Variants in ELL observed in about 807,000 individuals in gnomAD.
ELL encodes RNA polymerase II elongation factor ELL.
In ELL, 18 loss-of-function variants were observed where a neutral mutation model predicts 64.0. The observed-to-expected ratio is 0.28, with a 90% CI of 0.19 to 0.42. ELL has a LOEUF of 0.42. Ranked by LOEUF, ELL falls within the 10% of genes least tolerant of loss-of-function variation. The probability of loss-of-function intolerance (pLI) is 1.00; values close to 1 mark genes in which losing one functional copy is unlikely to be tolerated. For synonymous variants in ELL, 399 were observed against 376.2 expected (o/e 1.06, Z -0.70); for missense variants, 797 against 870.4 (o/e 0.92, Z 1.06).
intron 1 of ELL, among the ~76,000 whole-genome samples, chr19:18,475,642 T>C (rs990416296): frequency 6.6e-6 from 1 of 152,150 alleles, no homozygotes; most frequent in Admixed American, 6.6e-5. Flanking sequence ...CAGAGGACCA[T>C]GCCAAGTGAA....
intron 1 of ELL, among the ~76,000 whole-genome samples, chr19:18,508,676 C>T (rs1295010167): frequency 1.3e-5 from 2 of 152,234 alleles, no homozygotes; most frequent in African/African-American, 2.4e-5. Context: ...GGCCAGCAAG[C>T]TTCTTTTATG....
chr19:18,482,999 T>G (rs1975337774), intron 1 of ELL, among the ~76,000 whole-genome samples: 1 of 152,008 alleles, frequency 6.6e-6, no homozygotes, highest in South Asian at 2.1e-4. Context: ...CAGGCTGGTC[T>G]CAAACTCCTG....
At chr19:18,471,623 G>A (rs1975066663) in intron 2 of ELL, among the ~76,000 whole-genome samples, 1 of 152,216 alleles carries the variant, frequency 6.6e-6, no homozygotes, top group Non-Finnish European at 1.5e-5. Flanking sequence ...AGCCAAGATT[G>A]CACCACTGCA....
intron 1 of ELL, among the ~76,000 whole-genome samples, chr19:18,511,480 GC>G (rs1162840363): frequency 6.6e-6 from 1 of 152,158 alleles, no homozygotes; most frequent in African/African-American, 2.4e-5. Flanking sequence ...ATACTTACAT[GC>G]CCTGTTCACA....
At position 18,461,291 on chromosome 19, in the gene ELL, C is replaced by T. The variant is rs149234234; in HGVS notation, c.744+287G>A. Among the ~76,000 whole-genome samples, 32 of 152,380 alleles carry T rather than the reference C, an allele frequency of 2.1e-4. 2 individuals are homozygous for T. Among genetic ancestry groups the T allele is most frequent in the Admixed American group, 1.4e-3 (21 of 15,310 alleles). ...CCTGAATCCACTGTGCCAGGCCCCA[C>T]GGCCCGTGTGTCAGCAGACAGTGAA... On this transcript the variant is annotated intron_variant, in intron 5 of 11. Coordinates refer to ENST00000262809, the MANE Select transcript of ELL (RefSeq NM_006532.4).
chr19:18,455,869 T>G (rs914845620), intron 6 of ELL, among the ~76,000 whole-genome samples: 3 of 151,898 alleles, frequency 2.0e-5, no homozygotes, highest in Admixed American at 2.0e-4. Flanking sequence ...GAGGCTGAGG[T>G]GGGCGGATCA....
Position 18,465,400 on chromosome 19 carries a change from C to CG in ELL, c.469+11_469+12insC. 1 of 1,586,294 alleles carries CG rather than the reference C, an allele frequency of 6.3e-7. No homozygotes were observed. The highest frequency in any genetic ancestry group is 8.6e-7 in the Non-Finnish European group (1 of 1,162,424). ...CCGGCTGCCCTACAGCCCTGCCAAACCCACTGCTCACCCAGGTAGCGGCCT... is the reference window on the plus strand; with the variant it reads ...CCGGCTGCCCTACAGCCCTGCCAAACGCCACTGCTCACCCAGGTAGCGGCCT... On this transcript the variant is annotated intron_variant, in intron 4 of 11. Transcript: ENST00000262809.
chr19:18,503,570 T>C (rs1031084647), intron 1 of ELL, among the ~76,000 whole-genome samples: 4 of 152,024 alleles, frequency 2.6e-5, no homozygotes, highest in African/African-American at 9.7e-5. Context: ...GTTCACCAAG[T>C]GAGCTGATGT....
chr19:18,484,030 T>A (rs543140965), intron 1 of ELL, among the ~76,000 whole-genome samples: 2 of 152,298 alleles, frequency 1.3e-5, no homozygotes, highest in South Asian at 4.1e-4. Flanking sequence ...AAAGACGCTG[T>A]CGTATGTGGG....
chr19:18,454,431 G>A (rs1195873886), intron 6 of ELL, among the ~76,000 whole-genome samples: 13 of 151,774 alleles, frequency 8.6e-5, no homozygotes, highest in South Asian at 2.1e-4. Flanking sequence ...CCCAGGAGGC[G>A]GAGCTAGCAG....
intron 1 of ELL, among the ~76,000 whole-genome samples, chr19:18,490,089 AC>A (rs1472300818): frequency 6.6e-6 from 1 of 152,182 alleles, no homozygotes; most frequent in African/African-American, 2.4e-5. Flanking sequence ...AGAGCAGAGA[AC>A]CCTGCTGTCG....
chr19:18,477,627 G>A (rs1480780283), intron 1 of ELL, among the ~76,000 whole-genome samples: 1 of 152,198 alleles, frequency 6.6e-6, no homozygotes, highest in Admixed American at 6.5e-5. Flanking sequence ...TCAAAGTGCT[G>A]AGGGAGAAAC....
chr19:18,478,290 G>T (rs1311262076), intron 1 of ELL, among the ~76,000 whole-genome samples: 2 of 152,224 alleles, frequency 1.3e-5, no homozygotes, highest in African/African-American at 2.4e-5. Context: ...TAGCACAGGT[G>T]ATTTCCCTGC....
At chr19:18,498,890 C>T (rs921753094) in intron 1 of ELL, among the ~76,000 whole-genome samples, 10 of 152,170 alleles carry the variant, frequency 6.6e-5, no homozygotes, top group Non-Finnish European at 1.0e-4. Flanking sequence ...GCAGAGGTTG[C>T]AGTGAGTCGA....
chr19:18,512,518 A>G (rs1175332741), intron 1 of ELL, among the ~76,000 whole-genome samples: 2 of 152,128 alleles, frequency 1.3e-5, no homozygotes, highest in Admixed American at 6.6e-5. Flanking sequence ...GGGTGTCTGT[A>G]GTACCAGCTA....
chr19:18,453,215 A>G (rs1255794132), intron 6 of ELL, among the ~76,000 whole-genome samples: 1 of 152,258 alleles, frequency 6.6e-6, no homozygotes, highest in Non-Finnish European at 1.5e-5. Flanking sequence ...CGGAGGTTGC[A>G]GTGAGCAGAG....
At chr19:18,452,078 G>A (rs926727347) in intron 6 of ELL, among the ~76,000 whole-genome samples, 3 of 152,174 alleles carry the variant, frequency 2.0e-5, no homozygotes, top group African/African-American at 4.8e-5. Context: ...TCTGGAGGGC[G>A]GCAGAGTGGC....
intron 1 of ELL, among the ~76,000 whole-genome samples, chr19:18,504,292 C>G (rs1235383549): frequency 6.6e-6 from 1 of 152,218 alleles, no homozygotes; most frequent in African/African-American, 2.4e-5. Flanking sequence ...ACAGAGGCCA[C>G]TCCTGCTCTG....
intron 1 of ELL, among the ~76,000 whole-genome samples, chr19:18,521,005 A>G (rs1976256446): frequency 6.6e-6 from 1 of 151,676 alleles, no homozygotes; most frequent in Non-Finnish European, 1.5e-5. Context: ...CAGGCCCAAG[A>G]GAACATACAC....
Sources: gnomAD v4.1 joint callset for allele counts (sites outside exome capture counted in the v4.1 genomes callset) on GRCh38, gnomAD v4.1.1 for gene constraint, MANE v1.5 for transcripts, NCBI Gene and HGNC (gene_info 2026-07-23, HGNC 2026-07-21) for gene names.